UST: variants seen among roughly 807,000 people sequenced by gnomAD.
The protein encoded by UST is uronyl 2-sulfotransferase.
A neutral mutation model predicts 45.6 loss-of-function variants in UST; 21 were observed. That is an observed-to-expected ratio of 0.46 (90% CI 0.33 to 0.66). UST has a LOEUF of 0.66. UST is among the 30% of genes least tolerant of loss of function. The pLI, the probability that UST is intolerant of heterozygous loss-of-function variation, is 0.02. For synonymous variants in UST, 215 were observed against 200.6 expected, an observed-to-expected ratio of 1.07 and a Z score of -0.61; for missense variants, 463 against 512.4, an observed-to-expected ratio of 0.90 and a Z score of 0.93.
At chr6:148,971,427 T>C (rs1043470731) in intron 5 of UST, among the ~76,000 whole-genome samples, 2 of 152,132 alleles carry the variant, frequency 1.3e-5, no homozygotes, top group Non-Finnish European at 2.9e-5. Context: ...CCCAAAACCA[T>C]ACAGATGTAT....
rs190965106 is a variant in UST, at chr6:148,758,689, T to G, written c.247+11012T>G. On this transcript the variant is annotated intron_variant, in intron 1 of 7. Transcript: ENST00000367463. ...GCAGAAGCAGATCTTGTGTCTTCAC[T>G]TGCTTGTTTCCCAAGCTCAGCCTCT... is the stretch of plus-strand genomic sequence containing the variant. 2.1e-4 allele frequency among the ~76,000 whole-genome samples: 32 copies of G among 152,352 alleles called. No homozygotes were observed. In the East Asian group the frequency reaches 6.0e-3, roughly 28 times the overall value.
chr6:148,812,647 C>A (rs1251544755), intron 1 of UST, among the ~76,000 whole-genome samples: 1 of 152,192 alleles, frequency 6.6e-6, no homozygotes, highest in Non-Finnish European at 1.5e-5. Context: ...CATGGGTCTC[C>A]CCATAGGGGT....
At chr6:148,925,641 T>G (rs764515095) in intron 2 of UST, among the ~76,000 whole-genome samples, 1 of 152,222 alleles carries the variant, frequency 6.6e-6, no homozygotes, top group Non-Finnish European at 1.5e-5. Flanking sequence ...GAATTGTGTA[T>G]AAATTCCTGA....
intron 1 of UST, among the ~76,000 whole-genome samples, chr6:148,874,529 C>T (rs1050788671): frequency 2.4e-4 from 36 of 152,130 alleles, no homozygotes; most frequent in Admixed American, 2.1e-3. Context: ...CATTTGAGAT[C>T]AAGAAAGTAC....
intron 5 of UST, among the ~76,000 whole-genome samples, chr6:148,997,039 A>T (rs1312425595): frequency 6.6e-6 from 1 of 152,234 alleles, no homozygotes; most frequent in Admixed American, 6.5e-5. Flanking sequence ...CATAGTACCC[A>T]GTAGGAAGGC....
intron 7 of UST, among the ~76,000 whole-genome samples, chr6:149,072,000 A>C (rs1396836816): frequency 6.6e-6 from 1 of 152,166 alleles, no homozygotes; most frequent in East Asian, 1.9e-4. Flanking sequence ...GTGAGATACC[A>C]CTCCACACTT....
chr6:148,947,367 G>C lies in UST; in HGVS notation c.447+5933G>C, dbSNP rs1017515933. 5.3e-5 allele frequency among the ~76,000 whole-genome samples: 8 copies of C among 152,264 alleles called. 1 individual carries two copies. In the East Asian group the frequency reaches 1.5e-3, roughly 29 times the overall value. On this transcript the variant is annotated intron_variant, in intron 3 of 7. Transcript: ENST00000367463. ...TAGGCACCAAAATCTGCTGGGGAGCGTTCTCACAATATGTGTATTCAGGTC... is the reference window on the plus strand; with the variant it reads ...TAGGCACCAAAATCTGCTGGGGAGCCTTCTCACAATATGTGTATTCAGGTC...
chr6:148,814,598 TGCAGCTGACCCAGTCA>T (rs146834189), intron 1 of UST, among the ~76,000 whole-genome samples: 7,878 of 152,262 alleles, frequency 0.052, 287 homozygotes, highest in East Asian at 0.16. Context: ...CTCTTAACCC[TGCAGCTGACCCAGTCA>T]GCTTCTGGCT....
intron 2 of UST, among the ~76,000 whole-genome samples, chr6:148,926,632 C>T (rs1779819344): frequency 6.6e-6 from 1 of 152,178 alleles, no homozygotes; most frequent in African/African-American, 2.4e-5. Context: ...AATGGAAAGT[C>T]AAGGCAGAGG....
chr6:148,755,350 T>C (rs1434421999), intron 1 of UST, among the ~76,000 whole-genome samples: 1 of 152,180 alleles, frequency 6.6e-6, no homozygotes, highest in African/African-American at 2.4e-5. Context: ...AGAAATATTG[T>C]TTTTACAAAA....
intron 1 of UST, among the ~76,000 whole-genome samples, chr6:148,826,616 T>A (rs1449590393): frequency 1.3e-5 from 2 of 152,206 alleles, no homozygotes; most frequent in Non-Finnish European, 2.9e-5. Context: ...ATTGGCATGG[T>A]CTAACTTTCA....
chr6:148,966,893 C>T (rs776881502), intron 5 of UST, among the ~76,000 whole-genome samples: 3 of 152,120 alleles, frequency 2.0e-5, no homozygotes, highest in Non-Finnish European at 4.4e-5. Context: ...CTTCCCACCA[C>T]GCCTGGTTAA....
chr6:148,869,713 G>A (rs1316969194), intron 1 of UST, among the ~76,000 whole-genome samples: 1 of 152,180 alleles, frequency 6.6e-6, no homozygotes, highest in African/African-American at 2.4e-5. Flanking sequence ...TTGTTCACAT[G>A]CATGTCATTT....
At chr6:148,936,161 T>C (rs1780022198) in intron 2 of UST, among the ~76,000 whole-genome samples, 1 of 152,206 alleles carries the variant, frequency 6.6e-6, no homozygotes, top group Non-Finnish European at 1.5e-5. Flanking sequence ...CCAAATGATA[T>C]TTCTGGGCTT....
At chr6:148,769,821 C>A (rs1776388025) in intron 1 of UST, among the ~76,000 whole-genome samples, 1 of 150,872 alleles carries the variant, frequency 6.6e-6, no homozygotes. Context: ...TGCCGCTAGG[C>A]ATTCACAAAC....
At chr6:149,035,113 A>G (rs1407098477) in intron 7 of UST, among the ~76,000 whole-genome samples, 6 of 152,022 alleles carry the variant, frequency 3.9e-5, no homozygotes, top group African/African-American at 1.4e-4. Context: ...CATCCTTTCT[A>G]TGCGCTTCGC....
chr6:148,940,441 C>T (rs1176975033), intron 2 of UST, among the ~76,000 whole-genome samples: 1 of 152,016 alleles, frequency 6.6e-6, no homozygotes, highest in Non-Finnish European at 1.5e-5. Context: ...TTGGTGAGCC[C>T]AGGATCATGC....
At chr6:148,937,942 A>G (rs1004779211) in intron 2 of UST, among the ~76,000 whole-genome samples, 8 of 152,234 alleles carry the variant, frequency 5.3e-5, no homozygotes, top group Admixed American at 5.2e-4. Flanking sequence ...TAAACATGAA[A>G]CCTAATTCAA....
chr6:149,047,320 A>G (rs1462817185), intron 7 of UST, among the ~76,000 whole-genome samples: 1 of 152,200 alleles, frequency 6.6e-6, no homozygotes, highest in African/African-American at 2.4e-5. Flanking sequence ...TTGAGTTTTT[A>G]GGAAAAATTA....
Sources: allele counts gnomAD v4.1 joint callset (sites outside exome capture counted in the v4.1 genomes callset), GRCh38; gene constraint gnomAD v4.1.1; transcripts MANE v1.5; gene names NCBI Gene and HGNC (gene_info 2026-07-23, HGNC 2026-07-21).